EXTL3: variants seen among roughly 807,000 people sequenced by gnomAD.
The protein encoded by EXTL3 is exostosin-like 3.
Under a neutral mutation model 69.3 loss-of-function variants are expected in EXTL3, and 27 were observed. The observed-to-expected ratio is 0.39, with a 90% CI of 0.29 to 0.54. The LOEUF is 0.54. Ranked by LOEUF, EXTL3 falls within the 20% of genes least tolerant of loss-of-function variation. The pLI is 0.69. For missense variants in EXTL3, 1,003 were observed against 1,231.8 expected (o/e 0.81, Z 2.78); for synonymous variants, 511 against 499.4 (o/e 1.02, Z -0.31).
chr8:28,619,253 A>ATTAGC (rs1289347102), upstream of EXTL3, among the ~76,000 whole-genome samples: 3 of 117,280 alleles, frequency 2.6e-5, no homozygotes, highest in Non-Finnish European at 3.5e-5. Flanking sequence ...CCACGTAGAA[A>ATTAGC]TTAGCTTAGT....
intron 4 of EXTL3, among the ~76,000 whole-genome samples, chr8:28,731,710 A>G (rs149664545): frequency 1.4e-4 from 22 of 152,252 alleles, no homozygotes; most frequent in African/African-American, 4.6e-4. Context: ...TCTAAAGGAA[A>G]TAGGAGGGTT....
At position 28,713,930 on chromosome 8, in the gene EXTL3, G is replaced by T. The variant is rs1473661643; in HGVS notation, c.-476+380G>T. 6.6e-4 allele frequency among the ~76,000 whole-genome samples: 86 copies of T among 130,808 alleles called. 1 individual carries two copies. The highest frequency in any genetic ancestry group is 2.1e-3 in the African/African-American group (71 of 33,186). The allele number at this position is 130,808 out of a possible 152,430, so 85.8% of individuals were successfully genotyped here. On this transcript the variant is annotated intron_variant, in intron 2 of 6. Transcript: ENST00000220562. ...TTTTTTTTTTTTTTTTTTTGAGATG[G>T]TATTTCACTCTTGTTGCCTGGGCTG...
chr8:28,672,860 G>A (rs779926276), intron 1 of EXTL3, among the ~76,000 whole-genome samples: 7 of 152,112 alleles, frequency 4.6e-5, no homozygotes, highest in Admixed American at 6.5e-5. Context: ...CAATTCTCAC[G>A]TGTCATGGGA....
intron 1 of EXTL3, among the ~76,000 whole-genome samples, chr8:28,713,039 C>A (rs1400434622): frequency 1.3e-5 from 2 of 152,210 alleles, no homozygotes; most frequent in East Asian, 3.8e-4. Context: ...GGGTTCATTT[C>A]TACCCGCAAA....
chr8:28,708,969 T>C (rs113292011), intron 1 of EXTL3, among the ~76,000 whole-genome samples: 30 of 152,220 alleles, frequency 2.0e-4, no homozygotes, highest in African/African-American at 6.5e-4. Flanking sequence ...ATTGTAATTA[T>C]TATTCATGGT....
rs976709033 is a variant in EXTL3 at position 28,635,427 on chromosome 8, C to T, written c.-53+12617C>T. ...AAAAAAAAAAAAAAAATTGGCCGAG[C>T]GCAGTGGCTCACACCTGTAATCCCA... On this transcript the variant is annotated intron_variant, in intron 1 of 6. Transcript: ENST00000523149. Among the ~76,000 whole-genome samples, 24 of 146,982 alleles carry T rather than the reference C, an allele frequency of 1.6e-4. No homozygotes were observed. The South Asian group carries it at 2.8e-3, about 17-fold the overall frequency.
At chr8:28,708,219 C>T (rs1316743913) in intron 1 of EXTL3, among the ~76,000 whole-genome samples, 1 of 152,186 alleles carries the variant, frequency 6.6e-6, no homozygotes, top group Non-Finnish European at 1.5e-5. Flanking sequence ...CAAGGCACAA[C>T]CAGTTTTTCA....
In EXTL3 at chr8:28,648,146, C is replaced by G. The variant is rs1806864454; in HGVS notation, c.-53+25336C>G. The stretch of plus-strand genomic sequence containing the variant: ...TTACTGATTATTTCTCTGTTCTTTG[C>G]CTACTGGTTTCTTATGTCTTTCTGA... On this transcript the variant is annotated intron_variant, in intron 1 of 6. Coordinates refer to the EXTL3 transcript ENST00000523149. Among the ~76,000 whole-genome samples the G allele has an allele frequency of 2.0e-5, 3 of 152,304 alleles. No homozygotes were observed. In the South Asian group the frequency reaches 6.2e-4, roughly 32 times the overall value.
At chr8:28,622,963 TTGTC>T (rs753343250) in intron 1 of EXTL3, among the ~76,000 whole-genome samples, 17 of 152,142 alleles carry the variant, frequency 1.1e-4, no homozygotes, top group Admixed American at 3.3e-4. Context: ...TTAAAACTCT[TTGTC>T]TGGCCCCGTC....
rs377695159 is a variant in EXTL3, at chr8:28,632,083, C to T, written c.-53+9273C>T. On this transcript the variant is annotated intron_variant, in intron 1 of 6. Coordinates refer to the EXTL3 transcript ENST00000523149. ...ACTCCGGCCTGGCGACAGAGTGAGA[C>T]TCCATCCCGCCACCACCCACCAAAA... 1.7e-3 allele frequency among the ~76,000 whole-genome samples: 252 copies of T among 149,870 alleles called. 1 individual carries two copies. The highest frequency in any genetic ancestry group is 6.0e-3 in the African/African-American group (241 of 39,964).
chr8:28,750,636 G>GTC lies in EXTL3; in HGVS notation c.2551-12_2551-11dup, dbSNP rs780342852. 7.6e-5 allele frequency: 121 copies of GTC among 1,601,662 alleles called. 3 individuals carry two copies. The South Asian group carries it at 7.7e-4, about 10-fold the overall frequency. On this transcript the variant is annotated intron_variant, in intron 6 of 6. Coordinates refer to ENST00000220562, the MANE Select transcript of EXTL3 (RefSeq NM_001440.4). This position sits in a 1 kb window ranked among gnomAD's most constrained non-coding sequence, Gnocchi z 5.2. ...CAGTATTAGCTGGGATTCCCACTCT[G>GTC]TCTCTCTCTCCCGTTTCCAGGTGAC...
chr8:28,693,262 G>C lies in EXTL3; in HGVS notation c.-52-20195G>C, dbSNP rs1027628448. Among the ~76,000 whole-genome samples, 3 of 150,254 alleles carry C rather than the reference G, an allele frequency of 2.0e-5. No individual in the cohort carries two copies. In the South Asian group the frequency reaches 6.3e-4, roughly 31 times the overall value. On this transcript the variant is annotated intron_variant, in intron 1 of 6. Transcript: ENST00000523149. ...CCTCCCAGGTTCAAGCAATTCTCCT[G>C]CCTCAGGCTCCTAAGTAGCTGGGAT... is the stretch of plus-strand genomic sequence containing the variant.
At chr8:28,677,003 G>A (rs1807397989) in intron 1 of EXTL3, among the ~76,000 whole-genome samples, 1 of 152,162 alleles carries the variant, frequency 6.6e-6, no homozygotes. Flanking sequence ...GCTACAAAGA[G>A]AAGGGAAGAG....
chr8:28,686,274 A>G (rs923385615), intron 1 of EXTL3, among the ~76,000 whole-genome samples: 1 of 151,832 alleles, frequency 6.6e-6, no homozygotes, highest in Non-Finnish European at 1.5e-5. Flanking sequence ...GGGGTGGATC[A>G]CTTGAGCCCA....
intron 3 of EXTL3, among the ~76,000 whole-genome samples, chr8:28,726,246 G>A (rs548404222): frequency 6.6e-6 from 1 of 152,274 alleles, no homozygotes; most frequent in African/African-American, 2.4e-5. Context: ...GAGCCACTGC[G>A]CCCGGCCTGC....
chr8:28,628,370 A>C (rs772382464), intron 1 of EXTL3, among the ~76,000 whole-genome samples: 1 of 151,932 alleles, frequency 6.6e-6, no homozygotes, highest in African/African-American at 2.4e-5. Flanking sequence ...TCAAAAAATA[A>C]AAAGAAATGG....
At chr8:28,723,117 A>AT (rs530938074) in intron 3 of EXTL3, among the ~76,000 whole-genome samples, 27 of 152,224 alleles carry the variant, frequency 1.8e-4, no homozygotes, top group East Asian at 1.4e-3. Flanking sequence ...GGTAAGCTGT[A>AT]TTTTTTTATT....
rs1168704925 is a variant in EXTL3, at chr8:28,717,316, G to A, written c.1257G>A (p.Glu419=). ...AGTGGGCACTGTGTGGAGAGCGGGAGGACCGCTTGGAATTGCTGAAGCTCT... is the reference window on the plus strand; with the variant it reads ...AGTGGGCACTGTGTGGAGAGCGGGAAGACCGCTTGGAATTGCTGAAGCTCT... The part of the protein sequence containing the change: ...PTEWALCGER[E]DRLELLKLST... The change falls in exon 3 of 7, where the codon GAG becomes GAA. Residue 419 remains glutamate (E), a synonymous_variant. Coordinates refer to ENST00000220562, the MANE Select transcript of EXTL3 (RefSeq NM_001440.4). This position sits in a 1 kb window ranked among gnomAD's most constrained non-coding sequence, Gnocchi z 8.3. 2 of 1,614,128 alleles carry A rather than the reference G, an allele frequency of 1.2e-6. No homozygotes were observed. Among genetic ancestry groups the A allele is most frequent in the African/African-American group, 1.3e-5 (1 of 74,952 alleles).
At chr8:28,727,411 C>G (rs1335699157) in intron 3 of EXTL3, among the ~76,000 whole-genome samples, 1 of 152,168 alleles carries the variant, frequency 6.6e-6, no homozygotes, top group Non-Finnish European at 1.5e-5. Flanking sequence ...GGCCAAAACA[C>G]TTTGATATTT....
Sources: allele counts gnomAD v4.1 joint callset (sites outside exome capture counted in the v4.1 genomes callset), GRCh38; gene constraint gnomAD v4.1.1; non-coding constraint Gnocchi (gnomAD v3.1); transcripts MANE v1.5; gene names NCBI Gene and HGNC (gene_info 2026-07-23, HGNC 2026-07-21).